Variants in PRPF6 observed in about 807,000 individuals in gnomAD.
PRPF6 encodes pre-mRNA processing factor 6, also known as pre-mRNA-processing factor 6.
A neutral mutation model predicts 118.3 loss-of-function variants in PRPF6; 42 were observed. The ratio of observed to expected loss-of-function variants is 0.35; its 90% CI spans 0.28 to 0.46. The LOEUF (loss-of-function observed/expected upper bound fraction) is 0.46, where lower values mean the gene tolerates loss of function less well. Ranked by LOEUF, PRPF6 falls within the 20% of genes least tolerant of loss-of-function variation. PRPF6 has a pLI of 1.00. For synonymous variants in PRPF6, 481 were observed against 485.1 expected (o/e 0.99, Z 0.11); for missense variants, 662 against 1,255.7 (o/e 0.53, Z 7.15).
chr20:63,982,322 C>A (rs1160683294), intron 1 of PRPF6, among the ~76,000 whole-genome samples: 1 of 152,168 alleles, frequency 6.6e-6, no homozygotes, highest in East Asian at 1.9e-4. Flanking sequence ...TAGGTGCCCG[C>A]TACCACGCCC....
chr20:63,995,230 A>G (rs1391084032), intron 5 of PRPF6, 97 bp from the exon 6 acceptor site: 3 of 1,573,088 alleles, frequency 1.9e-6, no homozygotes, highest in Middle Eastern at 1.7e-4. Flanking sequence ...AGCTGTGCAT[A>G]TGTCAGGCCA....
intron 3 of PRPF6, among the ~76,000 whole-genome samples, chr20:63,992,955 C>T (rs1340880907): frequency 6.6e-6 from 1 of 151,998 alleles, no homozygotes; most frequent in Non-Finnish European, 1.5e-5. Flanking sequence ...CGGTGGCTCA[C>T]ACCTGTAATC....
At chr20:63,989,233 A>T (rs2059108100) in intron 3 of PRPF6, among the ~76,000 whole-genome samples, 1 of 152,192 alleles carries the variant, frequency 6.6e-6, no homozygotes, top group Non-Finnish European at 1.5e-5. Context: ...ACATACAAAA[A>T]TCAAATTAAA....
At position 64,001,166 on chromosome 20, in the gene PRPF6, G is replaced by A; in HGVS notation, c.1113G>A (p.Gln371=). 1 of 1,614,228 alleles carries A rather than the reference G, an allele frequency of 6.2e-7. No individual in the cohort carries two copies. The change falls in exon 9 of 21, where the codon CAG becomes CAA. Residue 371 remains glutamine, a synonymous_variant. Transcript: ENST00000266079. ...CCCAAGCTGTCCGTCATCTCCCACA[G>A]TCTGTCAGGATTTACATCAGAGCCG... is the stretch of plus-strand genomic sequence containing the variant. ...VVAQAVRHLP[Q]SVRIYIRAAE... is the part of the protein sequence containing the mutation.
At position 64,027,018 on chromosome 20, in the gene PRPF6, G is replaced by A; in HGVS notation, c.2065G>A (p.Asp689Asn). The A allele has an allele frequency of 6.2e-7, 1 of 1,614,036 alleles. No homozygotes were observed. The highest frequency in any genetic ancestry group is 8.5e-7 in the Non-Finnish European group (1 of 1,180,026). ...MKSVKLEWVQ[D>N]NIRAAQDLCE... ...GTCTGTGAAGCTGGAGTGGGTGCAA[G>A]ACAACATCAGGGCAGCCCAAGATCT... The change falls in exon 16 of 21, where the codon GAC becomes AAC. Residue 689 changes from aspartate to asparagine, a missense_variant. Asp to Asn is a conservative substitution (Grantham distance 23). Around this residue, in one of 10 missense-constraint regions of PRPF6, gnomAD observed 244 missense variants for 383.7 expected, o/e 0.64. Transcript: ENST00000266079. The surrounding 1 kb of genome is among the most constrained non-coding windows in gnomAD (Gnocchi z 6.5).
rs201088997 is a variant in PRPF6 at position 64,032,909 on chromosome 20, C to T, written c.2742C>T (p.Ala914=). 34 of 1,613,282 alleles carry T rather than the reference C, an allele frequency of 2.1e-5. No homozygotes were observed. The highest frequency in any genetic ancestry group is 5.0e-5 in the Admixed American group (3 of 60,010). ...CTCGGCATGGGGAGCTGTGGTGCGC[C>T]GTGTCCAAGGACATCGCCAACTGGC... is the stretch of plus-strand genomic sequence containing the variant. ...AEPRHGELWC[A]VSKDIANWQK... The change falls in exon 21 of 21, where the codon GCC becomes GCT. Residue 914 remains alanine (A), a synonymous_variant. Transcript: ENST00000266079.
intron 6 of PRPF6, among the ~76,000 whole-genome samples, chr20:63,997,413 C>A (rs1255182027): frequency 6.6e-6 from 1 of 151,224 alleles, no homozygotes; most frequent in East Asian, 1.9e-4. Context: ...ACCTGAGCCT[C>A]CCAAGTAGCT....
In PRPF6 at chr20:64,011,533, G is replaced by A; in HGVS notation, c.1524+30G>A. The A allele has an allele frequency of 6.3e-7, 1 of 1,593,834 alleles. No homozygotes were observed. Among genetic ancestry groups the A allele is most frequent in the Non-Finnish European group, 8.5e-7 (1 of 1,170,518 alleles). On this transcript the variant is annotated intron_variant, in intron 11 of 20. Coordinates refer to ENST00000266079, the MANE Select transcript of PRPF6 (RefSeq NM_012469.4). The surrounding 1 kb of genome is among the most constrained non-coding windows in gnomAD (Gnocchi z 6.7). ...GCCGCAGGCGGGTGTCGTGGTGTCT[G>A]CTTTAACAGTGCACATGCAGCACGT...
chr20:64,019,016 C>A (rs964823176), intron 12 of PRPF6, among the ~76,000 whole-genome samples: 5 of 152,064 alleles, frequency 3.3e-5, no homozygotes, highest in African/African-American at 1.2e-4. Context: ...TCCTCCTGCC[C>A]CATGTATGCT....
At position 63,981,196 on chromosome 20, in the gene PRPF6, C is replaced by G; in HGVS notation, c.-50C>G. ...GCCTAGAGTCTCTGCGTCTTTCCCTCTTCCGCTGCCTCATTCCTTTCCTTC... is the reference window on the plus strand; with the variant it reads ...GCCTAGAGTCTCTGCGTCTTTCCCTGTTCCGCTGCCTCATTCCTTTCCTTC... On this transcript the variant is annotated 5_prime_UTR_variant, in exon 1 of 21. Coordinates refer to ENST00000266079, the MANE Select transcript of PRPF6 (RefSeq NM_012469.4). 2 of 1,554,284 alleles carry G rather than the reference C, an allele frequency of 1.3e-6. No individual in the cohort carries two copies. Among genetic ancestry groups the G allele is most frequent in the Non-Finnish European group, 1.8e-6 (2 of 1,142,690 alleles).
chr20:63,998,829 G>A (rs530324284), intron 6 of PRPF6, among the ~76,000 whole-genome samples: 3 of 148,528 alleles, frequency 2.0e-5, no homozygotes, highest in Non-Finnish European at 3.0e-5. Flanking sequence ...GCGACAGAGC[G>A]AGACTCCATC....
At chr20:63,997,288 C>CTTTTTTT (rs928046111) in intron 6 of PRPF6, among the ~76,000 whole-genome samples, 6 of 112,712 alleles carry the variant, frequency 5.3e-5, no homozygotes, top group African/African-American at 1.0e-4. Flanking sequence ...TCAGCATGTT[C>CTTTTTTT]TTTTTTTTTT....
chr20:64,026,653 A>C lies in PRPF6; in HGVS notation c.2029-329A>C, dbSNP rs2123097376. ...CCAACTCTGCTAAAAATACAAAATTAGCTGGGTGTGGTGGCTTGCACCTGT... is the reference window on the plus strand; with the variant it reads ...CCAACTCTGCTAAAAATACAAAATTCGCTGGGTGTGGTGGCTTGCACCTGT... On this transcript the variant is annotated intron_variant, in intron 15 of 20. Coordinates refer to ENST00000266079, the MANE Select transcript of PRPF6 (RefSeq NM_012469.4). This position sits in a 1 kb window ranked among gnomAD's most constrained non-coding sequence, Gnocchi z 4.4. 6.6e-6 allele frequency among the ~76,000 whole-genome samples: 1 copy of C among 151,798 alleles called. No homozygotes were observed. Among genetic ancestry groups the C allele is most frequent in the Non-Finnish European group, 1.5e-5 (1 of 67,964 alleles).
chr20:63,990,273 C>G (rs528224460), intron 3 of PRPF6, among the ~76,000 whole-genome samples: 3 of 152,244 alleles, frequency 2.0e-5, no homozygotes, highest in African/African-American at 7.2e-5. Flanking sequence ...GGCCCCACCT[C>G]AAACATTGGG....
At chr20:63,999,865 C>G in intron 8 of PRPF6, 106 bp downstream of exon 8, 1 of 1,394,696 alleles carries the variant, frequency 7.2e-7, no homozygotes, top group African/African-American at 1.4e-5. Context: ...ATTGAAACTA[C>G]AGACAATAGG....
At chr20:64,003,696 C>T (rs1438849816) in intron 9 of PRPF6, among the ~76,000 whole-genome samples, 1 of 152,106 alleles carries the variant, frequency 6.6e-6, no homozygotes, top group Non-Finnish European at 1.5e-5. Flanking sequence ...CCCAGGTTCA[C>T]GCCATTCTCC....
rs1362265867 is a variant in PRPF6, at chr20:64,029,932, C to T, written c.2546+441C>T. ...TCACTGGGGACACATGTGATTCACA[C>T]TGGTGTGCTGGCCGCCGGGTCAGAG... On this transcript the variant is annotated intron_variant, in intron 19 of 20. Coordinates refer to ENST00000266079, the MANE Select transcript of PRPF6 (RefSeq NM_012469.4). The surrounding 1 kb of genome is among the most constrained non-coding windows in gnomAD (Gnocchi z 4.8). Among the ~76,000 whole-genome samples the T allele has an allele frequency of 6.6e-6, 1 of 151,252 alleles. No individual in the cohort carries two copies. The highest frequency in any genetic ancestry group is 6.6e-5 in the Admixed American group (1 of 15,236).
In PRPF6 at chr20:64,011,302, A is replaced by G; in HGVS notation, c.1323A>G (p.Ala441=). 6.2e-7 allele frequency: 1 copy of G among 1,614,150 alleles called. No individual in the cohort carries two copies. The highest frequency in any genetic ancestry group is 8.5e-7 in the Non-Finnish European group (1 of 1,180,026). The part of the protein sequence containing the change: ...PTSVELWLAL[A]RLETYENARK... ...CCGCGTAGCTCTGGCTTGCTCTGGC[A>G]AGGCTGGAGACCTATGAAAATGCCC... Residue 441 remains alanine, a synonymous_variant, in exon 11 of 21, where the codon GCA becomes GCG. Coordinates refer to ENST00000266079, the MANE Select transcript of PRPF6 (RefSeq NM_012469.4). This position sits in a 1 kb window ranked among gnomAD's most constrained non-coding sequence, Gnocchi z 6.7.
intron 6 of PRPF6, among the ~76,000 whole-genome samples, chr20:63,996,876 C>T (rs2059142915): frequency 6.6e-6 from 1 of 152,138 alleles, no homozygotes; most frequent in African/African-American, 2.4e-5. Context: ...CTGCCATGAG[C>T]TATGATCGCG....
Sources: allele counts gnomAD v4.1 joint callset (sites outside exome capture counted in the v4.1 genomes callset), GRCh38; gene constraint gnomAD v4.1.1; regional missense constraint gnomAD v4.1.1; non-coding constraint Gnocchi (gnomAD v3.1); transcripts MANE v1.5; gene names NCBI Gene and HGNC (gene_info 2026-07-23, HGNC 2026-07-21).